Variants in NPHP4 observed in about 807,000 individuals in gnomAD.
NPHP4 encodes the protein nephrocystin 4.
Under a neutral mutation model 155.8 loss-of-function variants are expected in NPHP4, and 151 were observed. The ratio of observed to expected loss-of-function variants is 0.97; its 90% CI spans 0.85 to 1.11. The LOEUF is 1.11. NPHP4 is among the 50% of genes least tolerant of loss of function. NPHP4 has a pLI of 0.00. For missense variants in NPHP4, 1,956 were observed against 1,925.7 expected (o/e 1.02, Z -0.29); for synonymous variants, 845 against 816.8 (o/e 1.03, Z -0.59).
chr1:5,923,399 C>G (rs563878825), intron 11 of NPHP4, among the ~76,000 whole-genome samples: 1 of 152,340 alleles, frequency 6.6e-6, no homozygotes, highest in Admixed American at 6.5e-5. Context: ...AAGGCCTACC[C>G]TGACCCCAGC....
chr1:5,875,074 G>A lies in NPHP4; in HGVS notation c.2844C>T (p.His948=), dbSNP rs1642441569. The change falls in exon 21 of 30, where the codon CAC becomes CAT. Residue 948 remains histidine (H), a synonymous_variant. Coordinates refer to ENST00000378156, the MANE Select transcript of NPHP4 (RefSeq NM_015102.5). The part of the protein sequence containing the change: ...VLAQQSVRTQ[H]LRDLQVIAAY... ...CGGCGATGACCTGTAGGTCCCGCAA[G>A]TGCTGTGTGCGGACGCTCTGCTGCG... 15 of 1,606,424 alleles carry A rather than the reference G, an allele frequency of 9.3e-6. No homozygotes were observed. Among genetic ancestry groups the A allele is most frequent in the Non-Finnish European group, 1.3e-5 (15 of 1,179,612 alleles).
intron 17 of NPHP4, among the ~76,000 whole-genome samples, chr1:5,888,064 G>A (rs1643912765): frequency 6.6e-6 from 1 of 152,148 alleles, no homozygotes; most frequent in African/African-American, 2.4e-5. Flanking sequence ...CCCAGGGAGG[G>A]GCCATGGGGC....
At position 5,865,258 on chromosome 1, in the gene NPHP4, C is replaced by G. The variant is rs752239401; in HGVS notation, c.3660G>C (p.Ala1220=). The G allele has an allele frequency of 6.4e-7, 1 of 1,566,400 alleles. No individual in the cohort carries two copies. The highest frequency in any genetic ancestry group is 8.7e-7 in the Non-Finnish European group (1 of 1,148,946). ...FVIIYSDRWL[A]TPTQTWQVYL... is the part of the protein sequence containing the mutation. ...AGACCTGCCACGTCTGTGTGGGTGT[C>G]GCCAGCCAGCGATCCCTGCAGTGGG... The change falls in exon 27 of 30, where the codon GCG becomes GCC. Residue 1220 remains alanine, a synonymous_variant. Transcript: ENST00000378156.
Position 5,916,255 on chromosome 1 carries a change from G to T in NPHP4, c.1442-7042C>A, listed in dbSNP as rs568081066. Among the ~76,000 whole-genome samples, 6 of 152,244 alleles carry T rather than the reference G, an allele frequency of 3.9e-5. 1 individual carries two copies. The highest frequency in any genetic ancestry group is 2.6e-4 in the Admixed American group (4 of 15,294). ...GCAATGTTACAGAGAAAATAAAAAG[G>T]ATTATTCATAACCGAGAGCCAAAGT... On this transcript the variant is annotated intron_variant, in intron 11 of 29. Coordinates refer to ENST00000378156, the MANE Select transcript of NPHP4 (RefSeq NM_015102.5).
At chr1:5,948,992 A>T (rs1037486279) in intron 7 of NPHP4, among the ~76,000 whole-genome samples, 4 of 152,232 alleles carry the variant, frequency 2.6e-5, no homozygotes, top group Non-Finnish European at 5.9e-5. Flanking sequence ...CCATTAATCA[A>T]GCTGAACAGA....
At chr1:5,907,299 C>T in intron 12 of NPHP4, 77 bp from the exon 13 acceptor site, 2 of 903,728 alleles carry the variant, frequency 2.2e-6, no homozygotes, top group Non-Finnish European at 1.7e-6. Context: ...ATGCACTGGC[C>T]ACACCGGGGA....
At chr1:5,931,859 G>A (rs1439063559) in intron 10 of NPHP4, among the ~76,000 whole-genome samples, 4 of 151,556 alleles carry the variant, frequency 2.6e-5, no homozygotes, top group African/African-American at 9.7e-5. Flanking sequence ...AGGATCCCTT[G>A]AACCCAGGAG....
At chr1:5,940,428 C>T (rs1431111687) in intron 9 of NPHP4, among the ~76,000 whole-genome samples, 1 of 152,108 alleles carries the variant, frequency 6.6e-6, no homozygotes, top group Admixed American at 6.5e-5. Flanking sequence ...CTGTGGTATT[C>T]AGTTACAGCA....
chr1:5,899,822 C>T (rs1439684823), intron 16 of NPHP4, among the ~76,000 whole-genome samples: 3 of 152,068 alleles, frequency 2.0e-5, no homozygotes, highest in Non-Finnish European at 4.4e-5. Flanking sequence ...AAAGACAAGC[C>T]ATAGATAGGG....
At position 5,864,299 on chromosome 1, in the gene NPHP4, C is replaced by A. The variant is rs572283861; in HGVS notation, c.3996+39G>T. ...GGTCCTGCAGTGCCCTGGTATTGAG[C>A]CCCCATCCCCTCAGCCTGTGCCTGC... On this transcript the variant is annotated intron_variant, in intron 28 of 29. Transcript: ENST00000378156. The A allele has an allele frequency of 6.5e-6, 10 of 1,543,130 alleles. No individual in the cohort carries two copies. The Admixed American group carries it at 1.1e-4, about 17-fold the overall frequency.
chr1:5,880,122 C>T lies in NPHP4; in HGVS notation c.2603G>A (p.Ser868Asn), dbSNP rs763576044. ...FSGGSLLTTG[S>N]SRRKHVVQAQ... The stretch of plus-strand genomic sequence containing the variant: ...CAACAGTGTAAACTCACGCCTTGAG[C>T]TTCCAGTCGTGAGGAGGCTGCCTCC... The change falls in exon 19 of 30, where the codon AGC becomes AAC. Residue 868 changes from serine to asparagine, a missense_variant. Coordinates refer to ENST00000378156, the MANE Select transcript of NPHP4 (RefSeq NM_015102.5). The T allele has an allele frequency of 6.5e-5, 105 of 1,613,616 alleles. No homozygotes were observed. The highest frequency in any genetic ancestry group is 2.2e-4 in the Admixed American group (13 of 59,982).
intron 11 of NPHP4, among the ~76,000 whole-genome samples, chr1:5,914,212 G>A (rs942307139): frequency 7.9e-6 from 1 of 125,966 alleles, no homozygotes; most frequent in African/African-American, 3.0e-5. Flanking sequence ...TTTGAGTCCA[G>A]AAGTTCGAGA....
At chr1:5,868,898 CCACATGCATGCACCCACACATGTACA>C (rs1641619076) in intron 23 of NPHP4, among the ~76,000 whole-genome samples, 1 of 143,520 alleles carries the variant, frequency 7.0e-6, no homozygotes. Flanking sequence ...ATATGCACGC[CCACATGCATGCACCCACACATGTACA>C]CACATGCATG....
intron 11 of NPHP4, among the ~76,000 whole-genome samples, chr1:5,921,691 T>G (rs1041770427): frequency 6.6e-6 from 1 of 152,264 alleles, no homozygotes; most frequent in African/African-American, 2.4e-5. Context: ...GCACTGTCCA[T>G]TTTTCTTTCC....
chr1:5,920,640 C>G (rs910932834), intron 11 of NPHP4, among the ~76,000 whole-genome samples: 1 of 152,244 alleles, frequency 6.6e-6, no homozygotes, highest in Non-Finnish European at 1.5e-5. Flanking sequence ...ATCCTCCCCC[C>G]AATCCTTGGC....
chr1:5,923,445 A>G (rs1242465754), intron 11 of NPHP4, among the ~76,000 whole-genome samples: 1 of 152,246 alleles, frequency 6.6e-6, no homozygotes, highest in Non-Finnish European at 1.5e-5. Flanking sequence ...AGACAGGATG[A>G]GCAGCACAGA....
chr1:5,925,365 C>T (rs1300918121), intron 11 of NPHP4, among the ~76,000 whole-genome samples: 1 of 152,106 alleles, frequency 6.6e-6, no homozygotes, highest in Non-Finnish European at 1.5e-5. Flanking sequence ...AGGCAAATAC[C>T]ACACCATTTT....
rs1570017519 is a variant in NPHP4 at position 5,863,135 on chromosome 1, A to G, written c.*130T>C. ...CGCTCGGTCTCTGCTTCCTCAGCCA[A>G]GTGCACAGGTCAGCCAGGTGGGCAC... On this transcript the variant is annotated 3_prime_UTR_variant, in exon 30 of 30. Transcript: ENST00000378156. The G allele has an allele frequency of 1.1e-6, 1 of 944,824 alleles. No homozygotes were observed. Among genetic ancestry groups the G allele is most frequent in the East Asian group, 2.4e-5 (1 of 40,884 alleles). 58.5% of individuals were successfully genotyped at this position (944,824 alleles called of 1,614,324 possible).
chr1:5,928,141 C>T (rs1646104554), intron 10 of NPHP4, among the ~76,000 whole-genome samples: 1 of 152,168 alleles, frequency 6.6e-6, no homozygotes, highest in Non-Finnish European at 1.5e-5. Context: ...CAGCACCACA[C>T]CCAGGGTGCA....
Sources: gnomAD v4.1 joint callset for allele counts (sites outside exome capture counted in the v4.1 genomes callset) on GRCh38, gnomAD v4.1.1 for gene constraint, MANE v1.5 for transcripts, NCBI Gene and HGNC (gene_info 2026-07-23, HGNC 2026-07-21) for gene names.